The following FSCN2 variants were observed in gnomAD, a reference collection of about 807,000 sequenced individuals.
FSCN2 encodes the protein fascin actin-bundling protein 2, retinal, also known as fascin-2.
In FSCN2, 46 loss-of-function variants were observed where a neutral mutation model predicts 37.8. That is an observed-to-expected ratio of 1.22 (90% confidence interval 0.96 to 1.56). FSCN2 has a LOEUF of 1.56. Ranked by LOEUF, FSCN2 falls within the 40% of genes most tolerant of loss-of-function variation. The pLI, the probability that FSCN2 is intolerant of heterozygous loss-of-function variation, is 0.00. For missense variants in FSCN2, 844 were observed against 730.4 expected, an observed-to-expected ratio of 1.16 and a Z score of -1.79; for synonymous variants, 351 against 309.4, an observed-to-expected ratio of 1.13 and a Z score of -1.41.
At chr17:81,519,455 G>A in the FSCN2 span, among the ~76,000 whole-genome samples, 3 of 152,306 alleles carry the variant, frequency 2.0e-5, no homozygotes, top group Admixed American at 6.5e-5. Context: ...GGGAGATGGC[G>A]CCCGTGGAGT....
chr17:81,518,721 C>T, the FSCN2 span, among the ~76,000 whole-genome samples: 1 of 152,180 alleles, frequency 6.6e-6, no homozygotes, highest in African/African-American at 2.4e-5. Flanking sequence ...TAACCCGTCC[C>T]GCCCCTCCTG....
At position 81,528,529 on chromosome 17, in the gene FSCN2, A is replaced by C. The variant is rs781797099; in HGVS notation, c.-3A>C. 4.6e-5 allele frequency: 73 copies of C among 1,585,436 alleles called. No homozygotes were observed. On this transcript the variant is annotated 5_prime_UTR_variant, in exon 1 of 5. Transcript: ENST00000417245. ...CCCCTCCGGGGACCCGGCCAGCCTG[A>C]AGATGCCGACGAACGGCCTGCACCA...
chr17:81,536,056 C>A, intron 2 of FSCN2, 90 bp from the exon 3 acceptor site: 1 of 1,494,782 alleles, frequency 6.7e-7, no homozygotes, highest in Admixed American at 2.0e-5. Flanking sequence ...GCTTCTGTCC[C>A]ACTCCTTGGA....
At chr17:81,520,787 T>C in the FSCN2 span, among the ~76,000 whole-genome samples, 1 of 152,262 alleles carries the variant, frequency 6.6e-6, no homozygotes, top group African/African-American at 2.4e-5. Flanking sequence ...TTCATGTCCC[T>C]GGTGATGCTT....
At chr17:81,527,970 G>A (rs1352851968), upstream of FSCN2, among the ~76,000 whole-genome samples, 1 of 152,188 alleles carries the variant, frequency 6.6e-6, no homozygotes, top group Non-Finnish European at 1.5e-5. Context: ...GGATCCAGCT[G>A]AGGGCCTGGC....
chr17:81,516,137 C>T, the FSCN2 span, among the ~76,000 whole-genome samples: 1 of 152,264 alleles, frequency 6.6e-6, no homozygotes, highest in Non-Finnish European at 1.5e-5. Context: ...AGCCACCTCA[C>T]CCAGCCTGGA....
rs561733019 is a variant in FSCN2, at chr17:81,532,670, AATGGTGATGATAGTG to A, written c.827-2372_827-2358del. Among the ~76,000 whole-genome samples the A allele has an allele frequency of 9.2e-3, 917 of 99,814 alleles. 38 individuals carry two copies. The highest frequency in any genetic ancestry group is 0.067 in the Admixed American group (722 of 10,814). 65.5% of individuals were successfully genotyped at this position (99,814 alleles called of 152,430 possible). ...TGGTGGTGATGGTGATGATGGAGGC[AATGGTGATGATAGTG>A]ATGGTGATGGCGATAGTGATAGTGA... On this transcript the variant is annotated intron_variant, in intron 1 of 4. Coordinates refer to ENST00000417245, the MANE Select transcript of FSCN2 (RefSeq NM_012418.4).
rs372408296 is a variant in FSCN2, at chr17:81,528,891, C to T, written c.360C>T (p.Cys120=). The stretch of plus-strand genomic sequence containing the variant: ...GAGGCACCGAGGACCAGCTGTCCTG[C>T]TTCGCCACAGCCGTTTCCCCGGCCG... ...FFGGTEDQLS[C]FATAVSPAEL... The change falls in exon 1 of 5, where the codon TGC becomes TGT. Residue 120 remains cysteine (C), a synonymous_variant. Transcript: ENST00000417245. 19 of 1,577,524 alleles carry T rather than the reference C, an allele frequency of 1.2e-5. No homozygotes were observed. The highest frequency in any genetic ancestry group is 4.0e-5 in the African/African-American group (3 of 74,196).
In FSCN2 at chr17:81,536,211, G is replaced by T. The variant is rs2143903578; in HGVS notation, c.1049G>T (p.Gly350Val). Residue 350 changes from glycine to valine, a missense_variant, in exon 3 of 5, where the codon GGG becomes GTG. Physicochemically the swap from Gly to Val is moderately radical, Grantham distance 109 (BLOSUM62 -3). Transcript: ENST00000417245. ...GRRVALKASN[G>V]RYVCMKKNGQ... The stretch of plus-strand genomic sequence containing the variant: ...CGGGTAGCACTCAAAGCCAGCAACG[G>T]GCGCTACGTGTGCATGAAGAAGAAT... The T allele has an allele frequency of 1.9e-6, 3 of 1,600,928 alleles. No individual in the cohort carries two copies. The highest frequency in any genetic ancestry group is 2.6e-6 in the Non-Finnish European group (3 of 1,174,158).
chr17:81,515,381 A>G, the FSCN2 span, among the ~76,000 whole-genome samples: 1 of 152,236 alleles, frequency 6.6e-6, no homozygotes, highest in South Asian at 2.1e-4. Flanking sequence ...GAGCCGGGAG[A>G]GTCGGCAGCT....
intron 2 of FSCN2, among the ~76,000 whole-genome samples, 164 bp downstream of exon 2, chr17:81,535,372 C>A (rs1489637103): frequency 7.3e-6 from 1 of 137,546 alleles, no homozygotes; most frequent in Non-Finnish European, 1.5e-5. Flanking sequence ...ATCTCCATCA[C>A]CATCATCGCC....
upstream of FSCN2, among the ~76,000 whole-genome samples, chr17:81,525,052 C>A (rs537091352): frequency 1.6e-4 from 24 of 152,254 alleles, no homozygotes; most frequent in Non-Finnish European, 2.9e-4. Flanking sequence ...CCCAGGAGTT[C>A]GGGGCTGCCA....
Position 81,528,970 on chromosome 17 carries a change from A to G in FSCN2, c.439A>G (p.Ser147Gly). 6.3e-7 allele frequency: 1 copy of G among 1,587,582 alleles called. No individual in the cohort carries two copies. The highest frequency in any genetic ancestry group is 1.1e-5 in the South Asian group (1 of 87,936). The change falls in exon 1 of 5, where the codon AGC (serine) becomes GGC (glycine). Residue 147 changes from serine (S) to glycine (G), a missense_variant. By Grantham distance (56) the Ser-to-Gly change is moderately conservative. Transcript: ENST00000417245. The part of the protein sequence containing the change: ...IHPQAHLLSV[S>G]RRRYVHLCPR... ...CCCGCAGGCCCACCTGCTGAGCGTG[A>G]GCCGGCGGCGCTACGTGCACCTGTG...
chr17:81,529,092 G>A lies in FSCN2; in HGVS notation c.561G>A (p.Lys187=), dbSNP rs1298571740. ...TCCGGAGCCGACGGTACTGCCTCAA[G>A]TCCTGTGACAGCCGCTACCTGCGCA... is the stretch of plus-strand genomic sequence containing the variant. ...LIFRSRRYCL[K]SCDSRYLRSD... is the part of the protein sequence containing the mutation. Residue 187 remains lysine (K), a synonymous_variant, in exon 1 of 5, where the codon AAG becomes AAA. Transcript: ENST00000417245. 3.8e-6 allele frequency: 6 copies of A among 1,589,534 alleles called. No individual in the cohort carries two copies. Among genetic ancestry groups the A allele is most frequent in the Non-Finnish European group, 5.1e-6 (6 of 1,170,028 alleles).
At chr17:81,536,410 C>T (rs913540455) in intron 3 of FSCN2, 143 bp downstream of exon 3, 2 of 1,433,732 alleles carry the variant, frequency 1.4e-6, no homozygotes, top group East Asian at 2.5e-5. Flanking sequence ...ACTTGCTAGT[C>T]AAGATAACTC....
the FSCN2 span, among the ~76,000 whole-genome samples, chr17:81,515,551 A>G: frequency 6.6e-6 from 1 of 152,182 alleles, no homozygotes; most frequent in Non-Finnish European, 1.5e-5. Context: ...CATTTAGTGG[A>G]TACGACAACA....
upstream of FSCN2, among the ~76,000 whole-genome samples, chr17:81,526,354 G>A (rs2032350422): frequency 6.6e-6 from 1 of 152,252 alleles, no homozygotes. Flanking sequence ...ACGGGAGGCC[G>A]GGCGCAGTGG....
chr17:81,532,557 GTGGTGA>G (rs1368422495), intron 1 of FSCN2, among the ~76,000 whole-genome samples: 22 of 139,018 alleles, frequency 1.6e-4, no homozygotes, highest in East Asian at 4.5e-4. Flanking sequence ...GATGGTGATG[GTGGTGA>G]TGGTGATGGT....
the FSCN2 span, among the ~76,000 whole-genome samples, chr17:81,520,290 G>C: frequency 6.6e-6 from 1 of 151,948 alleles, no homozygotes; most frequent in East Asian, 1.9e-4. Flanking sequence ...TGACCCTGAA[G>C]GTGGAGAGGC....
Sources: gnomAD v4.1 joint callset for allele counts (sites outside exome capture counted in the v4.1 genomes callset) on GRCh38, gnomAD v4.1.1 for gene constraint, MANE v1.5 for transcripts, NCBI Gene and HGNC (gene_info 2026-07-23, HGNC 2026-07-21) for gene names.